The following ALDH1A2 variants were observed in gnomAD, a reference collection of about 807,000 sequenced individuals.
ALDH1A2 encodes the protein aldehyde dehydrogenase 1 family member A2, also known as retinal dehydrogenase 2.
Under a neutral mutation model 60.3 loss-of-function variants are expected in ALDH1A2, and 27 were observed. The observed-to-expected ratio is 0.45, with a 90% CI of 0.33 to 0.62. The LOEUF (loss-of-function observed/expected upper bound fraction) is 0.62. ALDH1A2 is among the 20% of genes least tolerant of loss of function. The probability of loss-of-function intolerance (pLI) is 0.02; values close to 1 mark genes in which losing one functional copy is unlikely to be tolerated. For missense variants in ALDH1A2, 581 were observed against 643.8 expected (o/e 0.90, Z 1.06); for synonymous variants, 289 against 232.4 (o/e 1.24, Z -2.21).
intron 12 of ALDH1A2, among the ~76,000 whole-genome samples, chr15:57,958,836 A>G (rs4646636): frequency 0.4 from 61,231 of 152,020 alleles, 12,806 homozygotes; most frequent in Non-Finnish European, 0.47. Context: ...AAACAAACAA[A>G]CATGCAATCT....
intron 5 of ALDH1A2, among the ~76,000 whole-genome samples, chr15:57,994,251 C>T (rs1472541216): frequency 6.6e-6 from 1 of 152,180 alleles, no homozygotes; most frequent in African/African-American, 2.4e-5. Flanking sequence ...TTGGCATTCT[C>T]TAATAAATTT....
intron 7 of ALDH1A2, among the ~76,000 whole-genome samples, chr15:57,976,856 T>C (rs1317213824): frequency 6.6e-6 from 1 of 152,210 alleles, no homozygotes; most frequent in Non-Finnish European, 1.5e-5. Context: ...CCACAATGGT[T>C]GAACTAATTT....
chr15:57,995,990 C>A (rs192651652), intron 4 of ALDH1A2, among the ~76,000 whole-genome samples: 17 of 152,150 alleles, frequency 1.1e-4, no homozygotes, highest in African/African-American at 3.6e-4. Flanking sequence ...ATTTTAAATA[C>A]TGGGCAAAGT....
intron 1 of ALDH1A2, among the ~76,000 whole-genome samples, chr15:58,021,130 T>A (rs1362420496): frequency 6.6e-6 from 1 of 152,238 alleles, no homozygotes; most frequent in Non-Finnish European, 1.5e-5. Flanking sequence ...ATTATTTTGA[T>A]GTGTCTCTGT....
intron 7 of ALDH1A2, among the ~76,000 whole-genome samples, chr15:57,986,829 C>G (rs565116609): frequency 4.6e-5 from 7 of 151,990 alleles, no homozygotes; most frequent in Non-Finnish European, 5.9e-5. Flanking sequence ...TGCAACACCA[C>G]GCCTGGCTAG....
intron 7 of ALDH1A2, among the ~76,000 whole-genome samples, chr15:57,977,814 A>G (rs1381720165): frequency 6.6e-6 from 1 of 152,096 alleles, no homozygotes; most frequent in Non-Finnish European, 1.5e-5. Context: ...CAGTATGGCC[A>G]TTTTTGTGAT....
intron 12 of ALDH1A2, among the ~76,000 whole-genome samples, chr15:57,955,727 C>A (rs1219731352): frequency 2.0e-5 from 3 of 146,440 alleles, no homozygotes; most frequent in African/African-American, 7.5e-5. Context: ...AGTATTAGTT[C>A]TTTGGGACAG....
chr15:58,057,071 A>T (rs1219559951), intron 1 of ALDH1A2, among the ~76,000 whole-genome samples: 1 of 152,124 alleles, frequency 6.6e-6, no homozygotes, highest in African/African-American at 2.4e-5. Flanking sequence ...ACTTTTAGGT[A>T]TACATCCTAG....
chr15:58,000,029 G>A (rs1895208288), intron 4 of ALDH1A2, among the ~76,000 whole-genome samples: 1 of 151,846 alleles, frequency 6.6e-6, no homozygotes. Flanking sequence ...ACAGGAAGGG[G>A]AACAACAGAC....
chr15:58,061,857 T>C (rs1337848858), intron 1 of ALDH1A2, among the ~76,000 whole-genome samples: 1 of 152,158 alleles, frequency 6.6e-6, no homozygotes, highest in Non-Finnish European at 1.5e-5. Flanking sequence ...ATAATTATCA[T>C]CATCATTATT....
At chr15:58,062,418 A>AC (rs1163485797) in intron 1 of ALDH1A2, among the ~76,000 whole-genome samples, 1 of 152,186 alleles carries the variant, frequency 6.6e-6, no homozygotes, top group Non-Finnish European at 1.5e-5. Context: ...GGAATCTGTT[A>AC]AGAGATATCC....
Position 57,963,484 on chromosome 15 carries a change from T to C in ALDH1A2, c.1086+401A>G, listed in dbSNP as rs113274898. ...CCTCCCGAGTAGCTGGGATTACAGGTACCCGCCACCTCGCCCGGCTAATTT... is the reference window on the plus strand; with the variant it reads ...CCTCCCGAGTAGCTGGGATTACAGGCACCCGCCACCTCGCCCGGCTAATTT... On this transcript the variant is annotated intron_variant, in intron 9 of 12. Coordinates refer to ENST00000249750, the MANE Select transcript of ALDH1A2 (RefSeq NM_003888.4). Among the ~76,000 whole-genome samples the C allele has an allele frequency of 4.3e-3, 645 of 151,716 alleles. 4 individuals are homozygous for C. The highest frequency in any genetic ancestry group is 6.7e-3 in the Non-Finnish European group (455 of 67,918).
At chr15:57,998,921 G>A (rs913271891) in intron 4 of ALDH1A2, among the ~76,000 whole-genome samples, 3 of 151,924 alleles carry the variant, frequency 2.0e-5, no homozygotes, top group Non-Finnish European at 4.4e-5. Context: ...TCTGATCTTC[G>A]ACAAACCTGA....
At chr15:58,061,417 G>A (rs1022799148) in intron 1 of ALDH1A2, among the ~76,000 whole-genome samples, 1 of 151,248 alleles carries the variant, frequency 6.6e-6, no homozygotes, top group Non-Finnish European at 1.5e-5. Context: ...GCACAGGCAA[G>A]AATCTTGCCC....
chr15:58,055,979 A>C (rs938611996), intron 1 of ALDH1A2, among the ~76,000 whole-genome samples: 1 of 152,086 alleles, frequency 6.6e-6, no homozygotes, highest in Non-Finnish European at 1.5e-5. Flanking sequence ...CAGAGTGAAT[A>C]ATTCATCAAT....
At chr15:58,030,835 G>C (rs894585688) in intron 1 of ALDH1A2, among the ~76,000 whole-genome samples, 2 of 152,020 alleles carry the variant, frequency 1.3e-5, no homozygotes, top group Non-Finnish European at 2.9e-5. Context: ...GGATGTGAAG[G>C]ACCTCTTCAA....
intron 1 of ALDH1A2, among the ~76,000 whole-genome samples, chr15:58,045,331 T>C (rs963222438): frequency 5.3e-5 from 8 of 151,958 alleles, no homozygotes; most frequent in African/African-American, 1.9e-4. Context: ...TGGGAGACAG[T>C]GTGTCGACTC....
At chr15:58,059,721 C>G (rs780675305) in intron 1 of ALDH1A2, among the ~76,000 whole-genome samples, 2 of 152,052 alleles carry the variant, frequency 1.3e-5, no homozygotes, top group Non-Finnish European at 2.9e-5. Context: ...AGAGAAAATG[C>G]TTTAGTAACT....
At chr15:58,023,891 A>G (rs150408449) in intron 1 of ALDH1A2, among the ~76,000 whole-genome samples, 55 of 152,280 alleles carry the variant, frequency 3.6e-4, no homozygotes, top group Admixed American at 7.2e-4. Flanking sequence ...TGGGAGCTCA[A>G]GACCAGCCTG....
Sources: gnomAD v4.1 joint callset for allele counts (sites outside exome capture counted in the v4.1 genomes callset) on GRCh38, gnomAD v4.1.1 for gene constraint, MANE v1.5 for transcripts, NCBI Gene and HGNC (gene_info 2026-07-23, HGNC 2026-07-21) for gene names.